Variants in CELF5 observed in about 807,000 individuals in gnomAD.
CELF5 encodes the protein CUG-BP and ETR-3 like factor 5.
Under a neutral mutation model 54.9 loss-of-function variants are expected in CELF5, and 6 were observed. That is an observed-to-expected ratio of 0.11 (90% CI 0.06 to 0.22). The LOEUF (loss-of-function observed/expected upper bound fraction) is 0.22, where lower values mean the gene tolerates loss of function less well. Ranked by LOEUF, CELF5 falls within the 10% of genes least tolerant of loss-of-function variation. The pLI, the probability that CELF5 is intolerant of heterozygous loss-of-function variation, is 1.00. For synonymous variants in CELF5, 271 were observed against 290.9 expected, an observed-to-expected ratio of 0.93 and a Z score of 0.70; for missense variants, 401 against 678.6, an observed-to-expected ratio of 0.59 and a Z score of 4.54.
chr19:3,226,699 G>A (rs1302541441), intron 1 of CELF5, among the ~76,000 whole-genome samples: 4 of 151,942 alleles, frequency 2.6e-5, no homozygotes, highest in African/African-American at 9.7e-5. Flanking sequence ...AAGGCCGCTG[G>A]TTGAGCTCTA....
intron 8 of CELF5, 29 bp from the exon 9 acceptor site, chr19:3,284,873 C>A: frequency 1.2e-6 from 2 of 1,606,984 alleles, no homozygotes; most frequent in Non-Finnish European, 1.7e-6. Context: ...GCTGCTCCCG[C>A]CCCACTCAGC....
In CELF5 at chr19:3,268,751, G is replaced by A. The variant is rs1182466379; in HGVS notation, c.343-5121G>A. ...GTGAGGGGCAGTGTGTGTGTTTAGT[G>A]GGGAGGGGTCGTAATCAAGGTAATG... On this transcript the variant is annotated intron_variant, in intron 2 of 12. Transcript: ENST00000292672. The surrounding 1 kb of genome is among the most constrained non-coding windows in gnomAD (Gnocchi z 4.4). Among the ~76,000 whole-genome samples, 1 of 152,146 alleles carries A rather than the reference G, an allele frequency of 6.6e-6. No individual in the cohort carries two copies. The highest frequency in any genetic ancestry group is 1.9e-4 in the East Asian group (1 of 5,192).
intron 2 of CELF5, among the ~76,000 whole-genome samples, chr19:3,269,621 A>C (rs1273133788): frequency 2.0e-5 from 3 of 152,066 alleles, no homozygotes; most frequent in African/African-American, 7.2e-5. Flanking sequence ...CCCCATCTCT[A>C]GCATACACAG....
intron 2 of CELF5, among the ~76,000 whole-genome samples, chr19:3,258,290 AT>A (rs574738460): frequency 4.8e-4 from 68 of 142,268 alleles, no homozygotes; most frequent in Admixed American, 7.7e-4. Flanking sequence ...TTTTGATTTA[AT>A]TTTTTTTTTT....
chr19:3,226,169 T>G (rs188783820), intron 1 of CELF5, among the ~76,000 whole-genome samples: 82 of 152,270 alleles, frequency 5.4e-4, no homozygotes, highest in African/African-American at 2.0e-3. Context: ...TGGAGAGGCC[T>G]TGGGGAAGGA....
chr19:3,241,336 C>T (rs2079488110), intron 1 of CELF5, among the ~76,000 whole-genome samples: 1 of 151,672 alleles, frequency 6.6e-6, no homozygotes, highest in Non-Finnish European at 1.5e-5. Context: ...CCGCCTCTGC[C>T]TCCCAAAGTG....
intron 1 of CELF5, among the ~76,000 whole-genome samples, chr19:3,233,540 A>G (rs1160464288): frequency 3.9e-5 from 6 of 152,178 alleles, no homozygotes; most frequent in Admixed American, 3.9e-4. Flanking sequence ...CCTGAATGAC[A>G]GATGGGAAGG....
At chr19:3,263,014 G>A (rs2079826821) in intron 2 of CELF5, among the ~76,000 whole-genome samples, 1 of 151,970 alleles carries the variant, frequency 6.6e-6, no homozygotes, top group Non-Finnish European at 1.5e-5. Flanking sequence ...GGGAGACCGA[G>A]GTGGGCAGAT....
chr19:3,292,537 G>A (rs2080369017), intron 11 of CELF5, among the ~76,000 whole-genome samples: 1 of 152,120 alleles, frequency 6.6e-6, no homozygotes, highest in Admixed American at 6.5e-5. Context: ...GCCCGTCTTG[G>A]CCTCCCAAGG....
Position 3,290,373 on chromosome 19 carries a change from C to T in CELF5, c.1329C>T (p.Phe443=), listed in dbSNP as rs769594842. ...MDRATNQSKC[F]GFVSFDNPAS... is the part of the protein sequence containing the mutation. ...GAGCTACCAACCAGAGCAAGTGTTT[C>T]GGTGAGTGGCCGCCGACGCCACCCC... is the stretch of plus-strand genomic sequence containing the variant. Residue 443 remains phenylalanine (F), a splice_region_variant and synonymous_variant, in exon 11 of 13, where the codon TTC becomes TTT. Coordinates refer to ENST00000292672, the MANE Select transcript of CELF5 (RefSeq NM_021938.4). The T allele has an allele frequency of 4.3e-6, 7 of 1,612,896 alleles. No homozygotes were observed. The highest frequency in any genetic ancestry group is 1.6e-4 in the Middle Eastern group (1 of 6,082).
rs1223923865 is a variant in CELF5, at chr19:3,241,920, G to A, written c.260-9065G>A. On this transcript the variant is annotated intron_variant, in intron 1 of 12. Transcript: ENST00000292672. ...CTCCCGTGTAGCTGGGACCAGAGGC[G>A]CGCGCCGCCACGCCCAGCTAATTTT... is the stretch of plus-strand genomic sequence containing the variant. 2.6e-5 allele frequency among the ~76,000 whole-genome samples: 4 copies of A among 152,166 alleles called. No individual in the cohort carries two copies. In the East Asian group the frequency reaches 7.8e-4, roughly 30 times the overall value.
chr19:3,263,808 A>G (rs1370701013), intron 2 of CELF5, among the ~76,000 whole-genome samples: 2 of 142,506 alleles, frequency 1.4e-5, no homozygotes, highest in East Asian at 2.0e-4. Flanking sequence ...AGGAGGCTGA[A>G]GAAGGAGAAT....
Position 3,281,458 on chromosome 19 carries a change from T to C in CELF5, c.750+113T>C. 8.0e-7 allele frequency: 1 copy of C among 1,242,254 alleles called. No homozygotes were observed. Among genetic ancestry groups the C allele is most frequent in the East Asian group, 2.4e-5 (1 of 42,324 alleles). The allele number at this position is 1,242,254 out of a possible 1,614,324, so 77.0% of individuals were successfully genotyped here. ...ATCTCCCTGACTCAGGGTCCTCTCCTGGCGTGGCTGAACCCCAACTCCAAA... is the reference window on the plus strand; with the variant it reads ...ATCTCCCTGACTCAGGGTCCTCTCCCGGCGTGGCTGAACCCCAACTCCAAA... On this transcript the variant is annotated intron_variant, in intron 6 of 12. Transcript: ENST00000292672. The surrounding 1 kb of genome is among the most constrained non-coding windows in gnomAD (Gnocchi z 6.5).
chr19:3,292,538 C>T (rs898422844), intron 11 of CELF5, among the ~76,000 whole-genome samples: 1 of 152,140 alleles, frequency 6.6e-6, no homozygotes, highest in African/African-American at 2.4e-5. Context: ...CCCGTCTTGG[C>T]CTCCCAAGGT....
intron 2 of CELF5, among the ~76,000 whole-genome samples, chr19:3,262,276 A>G (rs1050782385): frequency 4.6e-5 from 7 of 152,074 alleles, no homozygotes; most frequent in Admixed American, 3.9e-4. Flanking sequence ...GGATCCGCCC[A>G]TCTTGGCCTC....
intron 8 of CELF5, 71 bp from the exon 9 acceptor site, chr19:3,284,831 T>C (rs1051176262): frequency 2.4e-5 from 32 of 1,338,794 alleles, no homozygotes; most frequent in Non-Finnish European, 3.3e-5. Context: ...TCCTTGCGGC[T>C]CTTAAGGATC....
intron 2 of CELF5, 68 bp downstream of exon 2, chr19:3,251,135 G>A (rs563559970): frequency 2.5e-4 from 294 of 1,181,942 alleles, no homozygotes; most frequent in Admixed American, 1.4e-4. Flanking sequence ...TGGGAGCCAA[G>A]GCTCTTCCTG....
chr19:3,278,681 G>A lies in CELF5; in HGVS notation c.603+571G>A, dbSNP rs1599465960. Among the ~76,000 whole-genome samples, 1 of 139,286 alleles carries A rather than the reference G, an allele frequency of 7.2e-6. No individual in the cohort carries two copies. The allele number at this position is 139,286 out of a possible 152,430, so 91.4% of individuals were successfully genotyped here. A position where few individuals can be genotyped will look rare whatever the true frequency, so the allele number is the denominator to read the frequency against. On this transcript the variant is annotated intron_variant, in intron 5 of 12. Coordinates refer to ENST00000292672, the MANE Select transcript of CELF5 (RefSeq NM_021938.4). The surrounding 1 kb of genome is among the most constrained non-coding windows in gnomAD (Gnocchi z 4.5). ...TGCAGGTGCATTTGTGGGCAGGTTT[G>A]TGTGTGTGTGTGTGTGTGTTTGTGT...
At chr19:3,279,642 A>C (rs1241934332) in intron 5 of CELF5, among the ~76,000 whole-genome samples, 1 of 151,976 alleles carries the variant, frequency 6.6e-6, no homozygotes, top group African/African-American at 2.4e-5. Flanking sequence ...CTTGAGCCCC[A>C]GAGTCGGGGT....
Sources: allele counts gnomAD v4.1 joint callset (sites outside exome capture counted in the v4.1 genomes callset), GRCh38; gene constraint gnomAD v4.1.1; non-coding constraint Gnocchi (gnomAD v3.1); transcripts MANE v1.5; gene names NCBI Gene and HGNC (gene_info 2026-07-23, HGNC 2026-07-21).